The following COL12A1 variants were observed in gnomAD, a reference collection of about 807,000 sequenced individuals.
The protein encoded by COL12A1 is collagen type XII alpha 1 chain, also known as collagen alpha-1(XII) chain.
A neutral mutation model predicts 349.7 loss-of-function variants in COL12A1; 114 were observed. That is an observed-to-expected ratio of 0.33 (90% confidence interval 0.28 to 0.38). The LOEUF (loss-of-function observed/expected upper bound fraction) is 0.38, where lower values mean the gene tolerates loss of function less well. Among genes scored for constraint, COL12A1 ranks in the 10% least tolerant of loss-of-function variants. The pLI is 1.00. For missense variants in COL12A1, 3,284 were observed against 3,756.9 expected (o/e 0.87, Z 3.29); for synonymous variants, 1,369 against 1,329.0 (o/e 1.03, Z -0.66).
At chr6:75,150,717 A>G (rs1019638907) in intron 21 of COL12A1, among the ~76,000 whole-genome samples, 5 of 152,276 alleles carry the variant, frequency 3.3e-5, no homozygotes, top group African/African-American at 9.6e-5. Flanking sequence ...CTTTAAGACA[A>G]TAGGTATATA....
rs758466830 is a variant in COL12A1 at position 75,128,438 on chromosome 6, T to A, written c.6211-13A>T. ...CTGGGACTGTGGTCTATAGAGGAAGTTAAATTATAAATATATTACCATCTA... is the reference window on the plus strand; with the variant it reads ...CTGGGACTGTGGTCTATAGAGGAAGATAAATTATAAATATATTACCATCTA... On this transcript the variant is annotated splice_polypyrimidine_tract_variant and intron_variant, in intron 37 of 65. Transcript: ENST00000322507. 6.5e-7 allele frequency: 1 copy of A among 1,544,788 alleles called. No homozygotes were observed. Among genetic ancestry groups the A allele is most frequent in the South Asian group, 1.3e-5 (1 of 76,118 alleles).
chr6:75,155,227 C>A (rs1456820185), intron 16 of COL12A1, among the ~76,000 whole-genome samples: 1 of 152,132 alleles, frequency 6.6e-6, no homozygotes, highest in Non-Finnish European at 1.5e-5. Context: ...TGCCTTCTTT[C>A]TCCTGTATGG....
intron 2 of COL12A1, among the ~76,000 whole-genome samples, chr6:75,198,222 C>A (rs915269897): frequency 2.0e-5 from 3 of 152,080 alleles, no homozygotes; most frequent in Non-Finnish European, 4.4e-5. Flanking sequence ...CCCATTTATA[C>A]CTGAGGTTGC....
intron 11 of COL12A1, 122 bp downstream of exon 11, chr6:75,180,817 C>T: frequency 2.5e-6 from 3 of 1,204,654 alleles, no homozygotes; most frequent in Non-Finnish European, 3.4e-6. Flanking sequence ...TTTAAAGATG[C>T]CAAATCTTAC....
intron 52 of COL12A1, among the ~76,000 whole-genome samples, chr6:75,108,083 A>AT (rs1768652891): frequency 6.6e-6 from 1 of 151,950 alleles, no homozygotes; most frequent in Non-Finnish European, 1.5e-5. Context: ...TGATTGATTG[A>AT]TTGATTGATT....
intron 40 of COL12A1, 49 bp downstream of exon 40, chr6:75,125,078 A>C: frequency 6.6e-7 from 1 of 1,511,952 alleles, no homozygotes; most frequent in Non-Finnish European, 8.9e-7. Context: ...CTGACCTGGT[A>C]ATTTCTACTA....
intron 1 of COL12A1, among the ~76,000 whole-genome samples, chr6:75,204,571 T>C (rs1273357468): frequency 6.6e-6 from 1 of 152,172 alleles, no homozygotes; most frequent in Non-Finnish European, 1.5e-5. Flanking sequence ...TAGCAACACT[T>C]CATTGAGCAT....
chr6:75,166,527 C>T (rs1054873168), intron 13 of COL12A1, among the ~76,000 whole-genome samples: 3 of 151,998 alleles, frequency 2.0e-5, no homozygotes, highest in African/African-American at 7.3e-5. Context: ...ATATGGAAAC[C>T]TCAACTTAAC....
At chr6:75,193,838 G>A (rs1299547394) in intron 3 of COL12A1, among the ~76,000 whole-genome samples, 1 of 150,438 alleles carries the variant, frequency 6.6e-6, no homozygotes, top group Non-Finnish European at 1.5e-5. Flanking sequence ...TTGGTTTTTT[G>A]TCTTTGCAAC....
chr6:75,187,127 A>G (rs899256845), intron 8 of COL12A1, among the ~76,000 whole-genome samples: 1 of 145,642 alleles, frequency 6.9e-6, no homozygotes, highest in Non-Finnish European at 1.5e-5. Context: ...TAAAAGTTTT[A>G]AAAAATGAAA....
In COL12A1 at chr6:75,128,282, T is replaced by C. The variant is rs906650054; in HGVS notation, c.6340+14A>G. 1.9e-6 allele frequency: 3 copies of C among 1,576,660 alleles called. No homozygotes were observed. The highest frequency in any genetic ancestry group is 1.4e-5 in the African/African-American group (1 of 73,200). ...TTCAAAGCAAAAATAAAAGGGGGAG[T>C]ACAAAACACTTACCAGTTCTTCCAT... On this transcript the variant is annotated intron_variant, in intron 38 of 65. Transcript: ENST00000322507.
At chr6:75,138,033 C>T (rs549842356) in intron 30 of COL12A1, among the ~76,000 whole-genome samples, 1 of 151,918 alleles carries the variant, frequency 6.6e-6, no homozygotes, top group African/African-American at 2.4e-5. Context: ...TGAATAGCAC[C>T]TTGGTCTTGG....
chr6:75,159,486 T>C lies in COL12A1; in HGVS notation c.2984-2963A>G, dbSNP rs917062837. ...TATATATGTATTTCCAAACAAAAAA[T>C]CTAAAGACTTTTACCTGGAGTTTTG... On this transcript the variant is annotated intron_variant, in intron 14 of 65. Coordinates refer to ENST00000322507, the MANE Select transcript of COL12A1 (RefSeq NM_004370.6). Among the ~76,000 whole-genome samples the C allele has an allele frequency of 4.0e-5, 6 of 148,606 alleles. No individual in the cohort carries two copies. The South Asian group carries it at 1.0e-3, about 26-fold the overall frequency.
At chr6:75,185,566 A>G (rs1769568014) in intron 8 of COL12A1, among the ~76,000 whole-genome samples, 1 of 152,196 alleles carries the variant, frequency 6.6e-6, no homozygotes, top group Admixed American at 6.5e-5. Context: ...TAGATTGGCC[A>G]CTACTCCTAT....
At chr6:75,166,030 T>C (rs566173781) in intron 13 of COL12A1, among the ~76,000 whole-genome samples, 54 of 152,204 alleles carry the variant, frequency 3.5e-4, no homozygotes, top group Non-Finnish European at 6.6e-4. Context: ...GATAATCTTG[T>C]CCTTCAGGAC....
chr6:75,127,577 T>G (rs899052936), intron 38 of COL12A1, among the ~76,000 whole-genome samples: 2 of 152,210 alleles, frequency 1.3e-5, no homozygotes, highest in African/African-American at 4.8e-5. Context: ...CCTACCTTTA[T>G]GCTAAACTAG....
Position 75,119,475 on chromosome 6 carries a change from TG to T in COL12A1, c.7087-3del, listed in dbSNP as rs1769248650. 6.3e-7 allele frequency: 1 copy of T among 1,598,936 alleles called. No homozygotes were observed. The highest frequency in any genetic ancestry group is 1.3e-5 in the African/African-American group (1 of 74,160). On this transcript the variant is annotated splice_polypyrimidine_tract_variant and splice_region_variant and intron_variant, in intron 44 of 65. Coordinates refer to ENST00000322507, the MANE Select transcript of COL12A1 (RefSeq NM_004370.6). The stretch of plus-strand genomic sequence containing the variant: ...ATCGCTGTATTGCACAAATGAAACC[TG>T]AAGGAAAATGTGATTTGGCAGTGAG...
At chr6:75,205,147 G>A (rs1354854248) in intron 1 of COL12A1, among the ~76,000 whole-genome samples, 1 of 151,298 alleles carries the variant, frequency 6.6e-6, no homozygotes, top group Middle Eastern at 3.2e-3. Context: ...GAGGGAGTCG[G>A]AGAGGGGACT....
intron 52 of COL12A1, among the ~76,000 whole-genome samples, chr6:75,106,886 CTTTTTTCTT>C (rs1562125123): frequency 2.1e-5 from 1 of 47,440 alleles, no homozygotes; most frequent in Non-Finnish European, 4.3e-5. Flanking sequence ...TTTTTTTTTT[CTTTTTTCTT>C]TTTCTTTTTT....
Sources: allele counts gnomAD v4.1 joint callset (sites outside exome capture counted in the v4.1 genomes callset), GRCh38; gene constraint gnomAD v4.1.1; transcripts MANE v1.5; gene names NCBI Gene and HGNC (gene_info 2026-07-23, HGNC 2026-07-21).